Variants in NRDC observed in about 807,000 individuals in gnomAD.
NRDC encodes the protein nardilysin.
Under a neutral mutation model 147.1 loss-of-function variants are expected in NRDC, and 54 were observed. The ratio of observed to expected loss-of-function variants is 0.37; its 90% CI spans 0.29 to 0.46. NRDC has a LOEUF of 0.46. NRDC is among the 20% of genes least tolerant of loss of function. The pLI, the probability that NRDC is intolerant of heterozygous loss-of-function variation, is 1.00. For missense variants in NRDC, 1,082 were observed against 1,370.6 expected, an observed-to-expected ratio of 0.79 and a Z score of 3.33; for synonymous variants, 440 against 482.1, an observed-to-expected ratio of 0.91 and a Z score of 1.14.
rs748373039 is a variant in NRDC at position 51,800,609 on chromosome 1, C to T, written c.2388G>A (p.Glu796=). 1.9e-6 allele frequency: 3 copies of T among 1,614,056 alleles called. No homozygotes were observed. In the Admixed American group the frequency reaches 5.0e-5, roughly 27 times the overall value. ...STPAVFTMIT[E]QLKKTYFNIL... ...TGTTAAAGTAGGTCTTCTTCAACTG[C>T]TCAGTTATCATTGTAAAGACAGCTG... Residue 796 remains glutamate, a synonymous_variant, in exon 21 of 31, where the codon GAG becomes GAA. Transcript: ENST00000352171.
intron 1 of NRDC, among the ~76,000 whole-genome samples, chr1:51,870,847 T>TCTAA (rs1263440465): frequency 1.3e-5 from 2 of 152,104 alleles, no homozygotes; most frequent in Non-Finnish European, 2.9e-5. Flanking sequence ...CAGTAATCTA[T>TCTAA]TACTGTCTGT....
chr1:51,815,384 T>C (rs1679919872), intron 11 of NRDC, among the ~76,000 whole-genome samples: 1 of 152,046 alleles, frequency 6.6e-6, no homozygotes. Flanking sequence ...ATACTTACAT[T>C]GAATGTCAAG....
chr1:51,807,663 T>A (rs888090747), intron 17 of NRDC, among the ~76,000 whole-genome samples: 1 of 152,118 alleles, frequency 6.6e-6, no homozygotes, highest in African/African-American at 2.4e-5. Flanking sequence ...GCCATGATCA[T>A]GCCACTGCAC....
intron 1 of NRDC, among the ~76,000 whole-genome samples, chr1:51,869,674 T>C (rs969763065): frequency 1.3e-5 from 2 of 152,242 alleles, no homozygotes; most frequent in Admixed American, 6.5e-5. Flanking sequence ...AATAAAGTTG[T>C]ACCAACTTTT....
intron 1 of NRDC, among the ~76,000 whole-genome samples, chr1:51,872,085 G>C (rs1237457289): frequency 6.6e-6 from 1 of 152,158 alleles, no homozygotes; most frequent in Non-Finnish European, 1.5e-5. Flanking sequence ...TGGCCAGGTA[G>C]GTCTCCAACT....
chr1:51,856,989 C>A (rs11205899), intron 1 of NRDC, among the ~76,000 whole-genome samples: 1 of 151,622 alleles, frequency 6.6e-6, no homozygotes, highest in South Asian at 2.1e-4. Context: ...TAAGTCTAGA[C>A]ACATGAGACC....
chr1:51,852,556 A>AAC (rs1682021987), intron 1 of NRDC, among the ~76,000 whole-genome samples: 1 of 86,948 alleles, frequency 1.2e-5, no homozygotes, highest in African/African-American at 5.0e-5. Context: ...TATAGTTTTA[A>AAC]TAGTTTTATA....
At position 51,836,451 on chromosome 1, in the gene NRDC, A is replaced by G. The variant is rs750850092; in HGVS notation, c.631-239T>C. ...AACAGGTGCAGACCTAAGGAAAAAA[A>G]GCAGAAACAGACAGAAAAAAAGGGA... On this transcript the variant is annotated intron_variant, in intron 2 of 30. Transcript: ENST00000352171. The G allele has an allele frequency of 3.1e-6, 5 of 1,612,644 alleles. No homozygotes were observed. The South Asian group carries it at 5.5e-5, about 18-fold the overall frequency.
At chr1:51,841,618 A>T (rs1456551050) in intron 1 of NRDC, among the ~76,000 whole-genome samples, 2 of 152,104 alleles carry the variant, frequency 1.3e-5, no homozygotes, top group Non-Finnish European at 2.9e-5. Context: ...CATTTATACT[A>T]ATTTTTTCAT....
At position 51,834,083 on chromosome 1, in the gene NRDC, G is replaced by C; in HGVS notation, c.800C>G (p.Thr267Ser). 3.1e-6 allele frequency: 5 copies of C among 1,614,098 alleles called. No homozygotes were observed. The highest frequency in any genetic ancestry group is 4.2e-6 in the Non-Finnish European group (5 of 1,180,002). Residue 267 changes from threonine to serine, a missense_variant, in exon 4 of 31, where the codon ACT becomes AGT. By Grantham distance (58) the Thr-to-Ser change is moderately conservative (BLOSUM62 1). This residue lies in a region of NRDC where 635 missense variants were observed against 923.8 expected (regional missense o/e 0.69). Coordinates refer to ENST00000352171, the MANE Select transcript of NRDC (RefSeq NM_001101662.2). ...CTGAAAGACAGTGCGTTCACAATCAGTTGAGGCATTATCACTACCCCCATG... is the reference window on the plus strand; with the variant it reads ...CTGAAAGACAGTGCGTTCACAATCACTTGAGGCATTATCACTACCCCCATG... ...KKHGGSDNASTDCERTVFQFD... is the reference protein window; with the variant it reads ...KKHGGSDNASSDCERTVFQFD...
chr1:51,809,889 G>C (rs1679634168), intron 16 of NRDC, among the ~76,000 whole-genome samples: 2 of 150,118 alleles, frequency 1.3e-5, no homozygotes, highest in South Asian at 4.2e-4. Context: ...TGAGCAACAA[G>C]AGCAAAACTC....
intron 1 of NRDC, among the ~76,000 whole-genome samples, chr1:51,856,404 C>T (rs761562793): frequency 1.8e-4 from 27 of 152,162 alleles, no homozygotes; most frequent in Non-Finnish European, 3.4e-4. Flanking sequence ...AACAAACATA[C>T]CAGTTTCAAG....
Position 51,834,093 on chromosome 1 carries a change from T to A in NRDC, c.790A>T (p.Asn264Tyr). The A allele has an allele frequency of 1.2e-6, 2 of 1,614,120 alleles. No individual in the cohort carries two copies. Among genetic ancestry groups the A allele is most frequent in the Non-Finnish European group, 1.7e-6 (2 of 1,179,996 alleles). ...GTGCGTTCACAATCAGTTGAGGCAT[T>A]ATCACTACCCCCATGCTTCTTCAGG... ...AFLKKHGGSD[N>Y]ASTDCERTVF... Residue 264 changes from asparagine to tyrosine, a missense_variant, in exon 4 of 31, where the codon AAT (asparagine) becomes TAT (tyrosine). Physicochemically the swap from Asn to Tyr is moderately radical, Grantham distance 143. Around this residue, in one of 3 missense-constraint regions of NRDC, gnomAD observed 635 missense variants for 923.8 expected, o/e 0.69. Transcript: ENST00000352171.
intron 1 of NRDC, among the ~76,000 whole-genome samples, chr1:51,851,197 G>C (rs1681930639): frequency 6.6e-6 from 1 of 152,132 alleles, no homozygotes; most frequent in African/African-American, 2.4e-5. Flanking sequence ...TAAGTGGGGG[G>C]TTGATGTGTG....
intron 1 of NRDC, among the ~76,000 whole-genome samples, chr1:51,854,295 G>C (rs1682129891): frequency 6.6e-6 from 1 of 152,164 alleles, no homozygotes; most frequent in African/African-American, 2.4e-5. Flanking sequence ...TTGAACCCAG[G>C]AGGCAGAGGT....
At chr1:51,852,062 G>A (rs1681977736) in intron 1 of NRDC, among the ~76,000 whole-genome samples, 1 of 152,146 alleles carries the variant, frequency 6.6e-6, no homozygotes, top group African/African-American at 2.4e-5. Context: ...CGTTGTGTGT[G>A]TGAATGGTCA....
At chr1:51,816,559 A>G (rs554345858) in intron 10 of NRDC, among the ~76,000 whole-genome samples, 170 bp from the exon 11 acceptor site, 20 of 152,330 alleles carry the variant, frequency 1.3e-4, no homozygotes, top group African/African-American at 4.8e-4. Flanking sequence ...TAAAAACAGA[A>G]AATATAGTAA....
chr1:51,814,833 T>C lies in NRDC; in HGVS notation c.1440-20A>G, dbSNP rs560824512. ...CAGCATCTACAGGTGGGGAAAAAAT[T>C]AACCCAATCAATGTTCCTGGATTGA... On this transcript the variant is annotated intron_variant, in intron 11 of 30. Transcript: ENST00000352171. 1 of 1,555,264 alleles carries C rather than the reference T, an allele frequency of 6.4e-7. No homozygotes were observed. Among genetic ancestry groups the C allele is most frequent in the East Asian group, 2.3e-5 (1 of 44,424 alleles).
chr1:51,874,544 G>A (rs1683234613), intron 1 of NRDC, among the ~76,000 whole-genome samples: 1 of 151,920 alleles, frequency 6.6e-6, no homozygotes, highest in African/African-American at 2.4e-5. Flanking sequence ...GGGAGGTCGA[G>A]GCTGCAGTGA....
Sources: gnomAD v4.1 joint callset for allele counts (sites outside exome capture counted in the v4.1 genomes callset) on GRCh38, gnomAD v4.1.1 for gene constraint, gnomAD v4.1.1 regional missense constraint, MANE v1.5 for transcripts, NCBI Gene and HGNC (gene_info 2026-07-23, HGNC 2026-07-21) for gene names.